AVL9: variants seen among roughly 807,000 people sequenced by gnomAD.
AVL9 encodes the protein late secretory pathway protein AVL9 homolog.
Under a neutral mutation model 79.2 loss-of-function variants are expected in AVL9, and 49 were observed. The ratio of observed to expected loss-of-function variants is 0.62; its 90% CI spans 0.49 to 0.79. AVL9 has a LOEUF of 0.79. Among genes scored for constraint, AVL9 ranks in the 30% least tolerant of loss-of-function variants. The pLI, the probability that AVL9 is intolerant of heterozygous loss-of-function variation, is 0.00. For synonymous variants in AVL9, 299 were observed against 280.6 expected (o/e 1.07, Z -0.65); for missense variants, 682 against 776.8 (o/e 0.88, Z 1.45).
At chr7:32,531,173 A>C (rs1788629638) in intron 1 of AVL9, among the ~76,000 whole-genome samples, 1 of 152,090 alleles carries the variant, frequency 6.6e-6, no homozygotes, top group South Asian at 2.1e-4. Flanking sequence ...TACATTGTTG[A>C]GCTATAGGGT....
chr7:32,509,007 G>C (rs1787534697), intron 1 of AVL9, among the ~76,000 whole-genome samples: 2 of 152,176 alleles, frequency 1.3e-5, no homozygotes, highest in South Asian at 4.1e-4. Flanking sequence ...AGTTTTGATT[G>C]AGATTGTATT....
At chr7:32,527,717 A>C (rs1335087350) in intron 1 of AVL9, among the ~76,000 whole-genome samples, 1 of 152,166 alleles carries the variant, frequency 6.6e-6, no homozygotes, top group Non-Finnish European at 1.5e-5. Flanking sequence ...CAGCAACACT[A>C]TGGGACAGAA....
At chr7:32,554,712 C>T in intron 8 of AVL9, 116 bp downstream of exon 8, 1 of 628,204 alleles carries the variant, frequency 1.6e-6, no homozygotes, top group African/African-American at 1.9e-5. Flanking sequence ...TTTTGCCTAT[C>T]ATTGTGGTAA....
chr7:32,580,534 G>A (rs1032835995), intron 14 of AVL9, among the ~76,000 whole-genome samples: 17 of 152,158 alleles, frequency 1.1e-4, no homozygotes, highest in African/African-American at 1.7e-4. Flanking sequence ...CGTGGCTGTC[G>A]GAGAGATGCA....
At chr7:32,525,567 A>C (rs1368165236) in intron 1 of AVL9, among the ~76,000 whole-genome samples, 4 of 152,148 alleles carry the variant, frequency 2.6e-5, no homozygotes, top group Non-Finnish European at 5.9e-5. Context: ...TTTATACTAG[A>C]TTTCACCCCT....
intron 1 of AVL9, chr7:32,535,598 G>A (rs1788867922): frequency 2.6e-5 from 4 of 152,184 alleles, no homozygotes; most frequent in African/African-American, 9.6e-5. Context: ...TACGTGACTG[G>A]TGAATTGTTC....
At chr7:32,508,703 G>T (rs1264454945) in intron 1 of AVL9, among the ~76,000 whole-genome samples, 1 of 152,142 alleles carries the variant, frequency 6.6e-6, no homozygotes, top group Non-Finnish European at 1.5e-5. Context: ...TGGGCATCCA[G>T]TTGCCTTAAG....
intron 1 of AVL9, among the ~76,000 whole-genome samples, chr7:32,507,316 T>A (rs1787453525): frequency 6.6e-6 from 1 of 152,188 alleles, no homozygotes; most frequent in Non-Finnish European, 1.5e-5. Flanking sequence ...AATATATAGA[T>A]CACACTGATT....
chr7:32,499,579 A>AT (rs11296248), intron 1 of AVL9, among the ~76,000 whole-genome samples: 7 of 151,376 alleles, frequency 4.6e-5, no homozygotes, highest in African/African-American at 7.3e-5. Flanking sequence ...CAGAATAACA[A>AT]TTTTTTTTTT....
intron 10 of AVL9, among the ~76,000 whole-genome samples, chr7:32,566,916 T>C (rs1169274202): frequency 6.6e-6 from 1 of 152,184 alleles, no homozygotes; most frequent in Non-Finnish European, 1.5e-5. Context: ...CTTTTAGTGT[T>C]TGAGAGATAG....
intron 1 of AVL9, among the ~76,000 whole-genome samples, chr7:32,520,517 T>G (rs116510099): frequency 6.6e-6 from 1 of 152,198 alleles, no homozygotes; most frequent in Non-Finnish European, 1.5e-5. Flanking sequence ...GTAAGGTCTG[T>G]TGTAAGGTCT....
At chr7:32,544,233 C>T (rs1035112716) in intron 2 of AVL9, among the ~76,000 whole-genome samples, 3 of 152,176 alleles carry the variant, frequency 2.0e-5, no homozygotes, top group Non-Finnish European at 4.4e-5. Flanking sequence ...AGAATGAGAT[C>T]ATTCCCCAGT....
chr7:32,533,056 C>G, intron 1 of AVL9: 1 of 152,408 alleles, frequency 6.6e-6, no homozygotes, highest in South Asian at 2.1e-4. Context: ...CCTATAATCC[C>G]AGCACTTTGG....
Position 32,558,288 on chromosome 7 carries a change from G to T in AVL9, c.610-271G>T, listed in dbSNP as rs563780865. ...TTCTCCTGCCTCAGCCTCCTGAGTA[G>T]CTGGGACCACAGGCGTGTGCCACCA... is the stretch of plus-strand genomic sequence containing the variant. On this transcript the variant is annotated intron_variant, in intron 8 of 15. Transcript: ENST00000318709. 1.4e-4 allele frequency among the ~76,000 whole-genome samples: 21 copies of T among 151,890 alleles called. 1 individual carries two copies. In the South Asian group the frequency reaches 4.2e-3, roughly 30 times the overall value.
At chr7:32,544,344 A>T (rs1055590133) in intron 2 of AVL9, among the ~76,000 whole-genome samples, 3 of 152,098 alleles carry the variant, frequency 2.0e-5, no homozygotes, top group African/African-American at 7.2e-5. Context: ...TTGTCCCCCA[A>T]ATTTCTTGTA....
Position 32,586,007 on chromosome 7 carries a change from A to T in AVL9, c.*2100A>T, listed in dbSNP as rs1208052826. ...AGCTGCTGAAGTTCACACTTCAAGG[A>T]TCTAGGAGCTCTGTGAGGGGTCGTC... On this transcript the variant is annotated 3_prime_UTR_variant, in exon 16 of 16. Transcript: ENST00000318709. 6.6e-6 allele frequency: 1 copy of T among 152,182 alleles called. No homozygotes were observed. Among genetic ancestry groups the T allele is most frequent in the Non-Finnish European group, 1.5e-5 (1 of 68,026 alleles). 9.4% of individuals were successfully genotyped at this position (152,182 alleles called of 1,614,324 possible). A position where few individuals can be genotyped will look rare whatever the true frequency, so the allele number is the denominator to read the frequency against.
intron 1 of AVL9, among the ~76,000 whole-genome samples, chr7:32,540,043 C>T (rs577977170): frequency 1.1e-4 from 17 of 152,140 alleles, no homozygotes; most frequent in Non-Finnish European, 2.1e-4. Flanking sequence ...CAAATAGAGT[C>T]CGGGGATTAG....
intron 1 of AVL9, among the ~76,000 whole-genome samples, chr7:32,512,772 C>T (rs1787737292): frequency 6.6e-6 from 1 of 152,128 alleles, no homozygotes; most frequent in Admixed American, 6.5e-5. Flanking sequence ...AGATAAGAAA[C>T]AACTTGCTAA....
chr7:32,546,797 C>G (rs1037619416), intron 3 of AVL9, among the ~76,000 whole-genome samples: 2 of 151,978 alleles, frequency 1.3e-5, no homozygotes, highest in African/African-American at 4.8e-5. Context: ...GCACTCCAGC[C>G]TGGCAGCAGA....
Sources: gnomAD v4.1 joint callset for allele counts (sites outside exome capture counted in the v4.1 genomes callset) on GRCh38, gnomAD v4.1.1 for gene constraint, MANE v1.5 for transcripts, NCBI Gene and HGNC (gene_info 2026-07-23, HGNC 2026-07-21) for gene names.